The following IL17D variants were observed in gnomAD, a reference collection of about 807,000 sequenced individuals.
The protein encoded by IL17D is interleukin-17D.
Under a neutral mutation model 5.7 loss-of-function variants are expected in IL17D, and 10 were observed. The ratio of observed to expected loss-of-function variants is 1.75; its 90% CI spans 1.08 to 2.97. The LOEUF is 2.97. Ranked by LOEUF, IL17D falls within the 30% of genes most tolerant of loss-of-function variation. The pLI, the probability that IL17D is intolerant of heterozygous loss-of-function variation, is 0.00. For synonymous variants in IL17D, 172 were observed against 141.7 expected, an observed-to-expected ratio of 1.21 and a Z score of -1.52; for missense variants, 354 against 292.7, an observed-to-expected ratio of 1.21 and a Z score of -1.53.
At position 20,704,102 on chromosome 13, in the gene IL17D, G is replaced by A; in HGVS notation, c.101G>A (p.Arg34Gln). ...GCGCGGCCGCGGGGCTGCGCGGACC[G>A]GCCGGAGGAGCTACTGGAGCAGCTG... is the stretch of plus-strand genomic sequence containing the variant. ...RPARPRGCAD[R>Q]PEELLEQLYG... is the part of the protein sequence containing the mutation. Residue 34 changes from arginine to glutamine, a missense_variant, in exon 1 of 2, where the codon CGG (arginine) becomes CAG (glutamine). Physicochemically the swap from Arg to Gln is conservative, Grantham distance 43. Coordinates refer to ENST00000682841, the MANE Select transcript of IL17D (RefSeq NM_001385224.1). The A allele has an allele frequency of 3.9e-6, 5 of 1,273,950 alleles. No homozygotes were observed. Among genetic ancestry groups the A allele is most frequent in the South Asian group, 1.8e-5 (1 of 54,650 alleles). 78.9% of individuals were successfully genotyped at this position (1,273,950 alleles called of 1,614,324 possible).
intron 1 of IL17D, among the ~76,000 whole-genome samples, chr13:20,709,140 CT>C (rs61612538): frequency 0.25 from 34,592 of 137,124 alleles, 4,817 homozygotes; most frequent in African/African-American, 0.37. Flanking sequence ...CTAAGAAGCC[CT>C]TTTTTTTTTT....
Position 20,722,162 on chromosome 13 carries a change from C to T in IL17D, c.*208C>T, listed in dbSNP as rs1293685431. ...CTTGCTTTTAGCTACAAGCAAGCAG[C>T]GTGGCTGGAAGCTGATGGGAAACGA... On this transcript the variant is annotated 3_prime_UTR_variant, in exon 2 of 2. Transcript: ENST00000682841. 2 of 526,846 alleles carry T rather than the reference C, an allele frequency of 3.8e-6. No homozygotes were observed. Among genetic ancestry groups the T allele is most frequent in the Non-Finnish European group, 6.6e-6 (2 of 303,410 alleles). 32.6% of individuals were successfully genotyped at this position (526,846 alleles called of 1,614,324 possible).
chr13:20,719,393 A>G (rs1253791577), intron 1 of IL17D, among the ~76,000 whole-genome samples: 1 of 143,722 alleles, frequency 7.0e-6, no homozygotes, highest in Non-Finnish European at 1.5e-5. Context: ...ATCTGCCCAC[A>G]CACCTGCCCA....
At chr13:20,720,590 C>A (rs571754615) in intron 1 of IL17D, among the ~76,000 whole-genome samples, 26 of 152,328 alleles carry the variant, frequency 1.7e-4, no homozygotes, top group African/African-American at 5.5e-4. Flanking sequence ...TGGGCTCCCA[C>A]CTCTGCGGCT....
At chr13:20,718,410 TCA>T (rs965333523) in intron 1 of IL17D, among the ~76,000 whole-genome samples, 4 of 122,960 alleles carry the variant, frequency 3.3e-5, no homozygotes, top group African/African-American at 6.4e-5. Flanking sequence ...ACGCCAACGC[TCA>T]CACACATACG....
intron 1 of IL17D, among the ~76,000 whole-genome samples, chr13:20,707,068 A>C (rs1310496605): frequency 6.6e-6 from 1 of 152,166 alleles, no homozygotes; most frequent in Non-Finnish European, 1.5e-5. Flanking sequence ...CAGATTGCTG[A>C]CTGCCAAAGC....
chr13:20,719,143 C>G (rs1439887645), intron 1 of IL17D, among the ~76,000 whole-genome samples: 1 of 148,312 alleles, frequency 6.7e-6, no homozygotes, highest in African/African-American at 2.5e-5. Flanking sequence ...ACACACCTAT[C>G]CACACTTACG....
chr13:20,719,661 A>G (rs2058716050), intron 1 of IL17D, among the ~76,000 whole-genome samples: 1 of 152,252 alleles, frequency 6.6e-6, no homozygotes, highest in Admixed American at 6.5e-5. Flanking sequence ...TGTCAGCATC[A>G]TCACTCAGCA....
chr13:20,709,106 A>G (rs2058614466), intron 1 of IL17D, among the ~76,000 whole-genome samples: 1 of 151,102 alleles, frequency 6.6e-6, no homozygotes, highest in Non-Finnish European at 1.5e-5. Context: ...ATCAGGCATC[A>G]GTGAAGTGCA....
At chr13:20,715,735 T>C (rs1461016039) in intron 1 of IL17D, among the ~76,000 whole-genome samples, 1 of 152,150 alleles carries the variant, frequency 6.6e-6, no homozygotes, top group East Asian at 1.9e-4. Context: ...GATATATCTA[T>C]ACATCTTTTT....
At chr13:20,720,873 A>ACCCCCCCCCCCCCCCC (rs1566522176) in intron 1 of IL17D, among the ~76,000 whole-genome samples, 2 of 36,140 alleles carry the variant, frequency 5.5e-5, no homozygotes, top group African/African-American at 2.4e-4. Flanking sequence ...CCTCCCTCCC[A>ACCCCCCCCCCCCCCCC]ACCCCCCCCC....
intron 1 of IL17D, chr13:20,713,705 G>A (rs1294449984): frequency 2.6e-5 from 4 of 152,160 alleles, no homozygotes; most frequent in African/African-American, 4.8e-5. Context: ...AATGCCAACA[G>A]AATGATTTGG....
intron 1 of IL17D, among the ~76,000 whole-genome samples, chr13:20,710,628 TAA>T (rs11445353): frequency 1.8e-5 from 1 of 55,286 alleles, no homozygotes; most frequent in Admixed American, 2.7e-4. Flanking sequence ...AAACTCTGTC[TAA>T]AAAAAAAAAA....
At chr13:20,718,784 CCA>C (rs1442899606) in intron 1 of IL17D, among the ~76,000 whole-genome samples, 15 of 141,234 alleles carry the variant, frequency 1.1e-4, no homozygotes, top group African/African-American at 2.1e-4. Context: ...GCTCACACAC[CCA>C]CACACACCTG....
At chr13:20,714,833 G>C (rs1308899852) in intron 1 of IL17D, among the ~76,000 whole-genome samples, 1 of 152,216 alleles carries the variant, frequency 6.6e-6, no homozygotes, top group Non-Finnish European at 1.5e-5. Flanking sequence ...ACATATTGAA[G>C]ATCTTTGGCT....
chr13:20,719,764 G>A lies in IL17D; in HGVS notation c.291-1872G>A, dbSNP rs190112163. 1.1e-4 allele frequency among the ~76,000 whole-genome samples: 17 copies of A among 152,292 alleles called. No homozygotes were observed. The East Asian group carries it at 2.9e-3, about 26-fold the overall frequency. On this transcript the variant is annotated intron_variant, in intron 1 of 1. Transcript: ENST00000682841. ...TCCACAAATGCCCCTTTCTGCCCTA[G>A]GATCCAACCTCCAGCAGCCACTCGT...
In IL17D at chr13:20,723,051, A is replaced by AAAG. The variant is rs1159461632; in HGVS notation, c.*1098_*1100dup. The AAAG allele has an allele frequency of 6.6e-6, 1 of 152,196 alleles. No homozygotes were observed. Among genetic ancestry groups the AAAG allele is most frequent in the Non-Finnish European group, 1.5e-5 (1 of 68,046 alleles). 9.4% of individuals were successfully genotyped at this position (152,196 alleles called of 1,614,324 possible). A position where few individuals can be genotyped will look rare whatever the true frequency, so the allele number is the denominator to read the frequency against. ...CTGTCTCTGAACACAATTATTTGTA[A>AAAG]AAGTTAGTAGTTCTTTTTTAAATCA... On this transcript the variant is annotated 3_prime_UTR_variant, in exon 2 of 2. Coordinates refer to ENST00000682841, the MANE Select transcript of IL17D (RefSeq NM_001385224.1).
chr13:20,711,035 T>G (rs1397727366), intron 1 of IL17D, among the ~76,000 whole-genome samples: 2 of 151,798 alleles, frequency 1.3e-5, no homozygotes, highest in African/African-American at 4.8e-5. Context: ...GAGGCTGAGG[T>G]GGGTGGATCA....
intron 1 of IL17D, 58 bp downstream of exon 1, chr13:20,704,349 G>A: frequency 2.3e-6 from 2 of 885,570 alleles, no homozygotes; most frequent in Non-Finnish European, 2.8e-6. Context: ...GGGCTGGGCG[G>A]GGAGAGTGGG....
Sources: gnomAD v4.1 joint callset for allele counts (sites outside exome capture counted in the v4.1 genomes callset) on GRCh38, gnomAD v4.1.1 for gene constraint, MANE v1.5 for transcripts, NCBI Gene and HGNC (gene_info 2026-07-23, HGNC 2026-07-21) for gene names.